Variants in ITGA4 observed in about 807,000 individuals in gnomAD.
ITGA4 encodes the protein integrin alpha-4.
Under a neutral mutation model 133.6 loss-of-function variants are expected in ITGA4, and 63 were observed. The ratio of observed to expected loss-of-function variants is 0.47; its 90% CI spans 0.38 to 0.58. The LOEUF (loss-of-function observed/expected upper bound fraction) is 0.58. ITGA4 is among the 20% of genes least tolerant of loss of function. The pLI is 0.00. For missense variants in ITGA4, 1,076 were observed against 1,252.7 expected (o/e 0.86, Z 2.13); for synonymous variants, 483 against 438.0 (o/e 1.10, Z -1.28).
intron 16 of ITGA4, 71 bp downstream of exon 16, chr2:181,509,878 TGAA>T (rs1261145115): frequency 1.8e-6 from 2 of 1,124,228 alleles, no homozygotes; most frequent in South Asian, 2.8e-5. Context: ...GGCATAATTC[TGAA>T]GAAGTGAACT....
rs1007615517 is a variant in ITGA4 at position 181,516,708 on chromosome 2, G to A, written c.1922+4933G>A. On this transcript the variant is annotated intron_variant, in intron 17 of 27. Transcript: ENST00000397033. The surrounding 1 kb of genome is among the most constrained non-coding windows in gnomAD (Gnocchi z 4.0). The stretch of plus-strand genomic sequence containing the variant: ...ACATTCTCTGGAGTTGAACCTAGAG[G>A]TCTGTCTTCTGAAATATTAAGGGAA... 6.6e-6 allele frequency among the ~76,000 whole-genome samples: 1 copy of A among 151,978 alleles called. No homozygotes were observed. Among genetic ancestry groups the A allele is most frequent in the Admixed American group, 6.6e-5 (1 of 15,218 alleles).
intron 17 of ITGA4, among the ~76,000 whole-genome samples, chr2:181,521,537 C>G (rs1686720383): frequency 6.6e-6 from 1 of 152,154 alleles, no homozygotes; most frequent in South Asian, 2.1e-4. Flanking sequence ...TGAACTCGTG[C>G]ATATATATGG....
Position 181,523,353 on chromosome 2 carries a change from C to G in ITGA4, c.2074-84C>G. The G allele has an allele frequency of 2.6e-6, 2 of 771,682 alleles. No individual in the cohort carries two copies. The highest frequency in any genetic ancestry group is 4.5e-6 in the Non-Finnish European group (2 of 442,814). The allele number at this position is 771,682 out of a possible 1,614,324, so 47.8% of individuals were successfully genotyped here. A position where few individuals can be genotyped will look rare whatever the true frequency, so the allele number is the denominator to read the frequency against. ...AAGCAAATACTTCTGGGATGATATT[C>G]TTTTCAATAACCATCCTTAAACATA... is the stretch of plus-strand genomic sequence containing the variant. On this transcript the variant is annotated intron_variant, in intron 18 of 27. Transcript: ENST00000397033. This position sits in a 1 kb window ranked among gnomAD's most constrained non-coding sequence, Gnocchi z 4.2.
rs199617716 is a variant in ITGA4 at position 181,475,302 on chromosome 2, T to C, written c.556+14T>C. On this transcript the variant is annotated intron_variant, in intron 4 of 27. Coordinates refer to ENST00000397033, the MANE Select transcript of ITGA4 (RefSeq NM_000885.6). The stretch of plus-strand genomic sequence containing the variant: ...CGTGTTATCAAGGTAAGGCATGATT[T>C]TGATACGAATTAGATAAAGATAAGT... 1.3e-6 allele frequency: 2 copies of C among 1,597,034 alleles called. No homozygotes were observed. The highest frequency in any genetic ancestry group is 1.7e-6 in the Non-Finnish European group (2 of 1,167,978).
chr2:181,469,802 A>T, intron 2 of ITGA4, among the ~76,000 whole-genome samples: 1 of 152,130 alleles, frequency 6.6e-6, no homozygotes, highest in Non-Finnish European at 1.5e-5. Flanking sequence ...ATTCTCAGTA[A>T]ACTATCACAA....
chr2:181,528,024 T>A (rs559946409), intron 22 of ITGA4, among the ~76,000 whole-genome samples: 36 of 152,314 alleles, frequency 2.4e-4, no homozygotes, highest in African/African-American at 8.4e-4. Context: ...TTAGTAAATA[T>A]AATTTCCAAA....
At position 181,538,607 on chromosome 2, in the gene ITGA4, G is replaced by A. The variant is rs1687326879; in HGVS notation, c.*3080G>A. Reference sequence around the variant, plus strand: ...CAGGTTCCTAAACCTGTTTATACCAGTTGCTATGTAAAATTGTTCCCAAGG... The same window carrying A: ...CAGGTTCCTAAACCTGTTTATACCAATTGCTATGTAAAATTGTTCCCAAGG... On this transcript the variant is annotated 3_prime_UTR_variant, in exon 28 of 28. Transcript: ENST00000397033. Among the ~76,000 whole-genome samples, 1 of 152,120 alleles carries A rather than the reference G, an allele frequency of 6.6e-6. No homozygotes were observed. Among genetic ancestry groups the A allele is most frequent in the Admixed American group, 6.6e-5 (1 of 15,262 alleles).
At position 181,529,619 on chromosome 2, in the gene ITGA4, G is replaced by C. The variant is rs751029762; in HGVS notation, c.2509G>C (p.Asp837His). 1.3e-6 allele frequency: 2 copies of C among 1,598,734 alleles called. No homozygotes were observed. Among genetic ancestry groups the C allele is most frequent in the Non-Finnish European group, 1.7e-6 (2 of 1,166,654 alleles). The change falls in exon 23 of 28, where the codon GAT becomes CAT. Residue 837 changes from aspartate (D) to histidine (H), a missense_variant. Coordinates refer to ENST00000397033, the MANE Select transcript of ITGA4 (RefSeq NM_000885.6). ...ACCAAATTCTTTTAGCCCCCAAACT[G>C]ATAAGCTGTTCAACATTTTGGATGT... ...MVPNSFSPQT[D>H]KLFNILDVQT... is the part of the protein sequence containing the mutation.
chr2:181,471,730 C>A (rs986416388), intron 2 of ITGA4, among the ~76,000 whole-genome samples: 8 of 152,154 alleles, frequency 5.3e-5, no homozygotes, highest in African/African-American at 1.9e-4. Flanking sequence ...ATATGTTTTT[C>A]TATTTGGAAT....
Position 181,537,712 on chromosome 2 carries a change from T to A in ITGA4, c.*2185T>A, listed in dbSNP as rs193186986. The A allele has an allele frequency of 9.7e-4, 377 of 389,476 alleles. 5 individuals carry two copies. In the East Asian group the frequency reaches 0.028, roughly 29 times the overall value. The allele number at this position is 389,476 out of a possible 1,614,324, so 24.1% of individuals were successfully genotyped here. A position where few individuals can be genotyped will look rare whatever the true frequency, so the allele number is the denominator to read the frequency against. ...TGATGTATTATGATGGTTGCAAAGTTTTTTTGTGTGTCCAATAAACACATT... is the reference window on the plus strand; with the variant it reads ...TGATGTATTATGATGGTTGCAAAGTATTTTTGTGTGTCCAATAAACACATT... On this transcript the variant is annotated 3_prime_UTR_variant, in exon 28 of 28. Transcript: ENST00000397033.
chr2:181,458,158 G>C (rs774621587), intron 1 of ITGA4, 38 bp from the exon 2 acceptor site: 2 of 1,613,484 alleles, frequency 1.2e-6, no homozygotes, highest in Non-Finnish European at 8.5e-7. Flanking sequence ...GGGCAGCACA[G>C]CTCACGTCTG....
intron 4 of ITGA4, among the ~76,000 whole-genome samples, chr2:181,478,314 G>A (rs781428002): frequency 1.3e-5 from 2 of 152,034 alleles, no homozygotes; most frequent in Non-Finnish European, 2.9e-5. Context: ...TTGTGCACTG[G>A]AAATTTGCCA....
intron 24 of ITGA4, among the ~76,000 whole-genome samples, chr2:181,530,953 C>A (rs1686932779): frequency 6.6e-6 from 1 of 151,862 alleles, no homozygotes; most frequent in Admixed American, 6.6e-5. Context: ...AGAGTGAAAC[C>A]CCGTCTCTAC....
chr2:181,507,762 G>GA (rs1235870199), intron 15 of ITGA4, among the ~76,000 whole-genome samples: 4 of 151,948 alleles, frequency 2.6e-5, no homozygotes, highest in Non-Finnish European at 5.9e-5. Flanking sequence ...ATAATGACAA[G>GA]AAAAAAAATC....
At chr2:181,525,697 C>T (rs547684702) in intron 21 of ITGA4, among the ~76,000 whole-genome samples, 7 of 150,938 alleles carry the variant, frequency 4.6e-5, no homozygotes, top group South Asian at 4.3e-4. Flanking sequence ...TCTGCAGACC[C>T]GTATCTACAC....
At chr2:181,534,726 T>G in intron 26 of ITGA4, 90 bp from the exon 27 acceptor site, 1 of 1,123,582 alleles carries the variant, frequency 8.9e-7, no homozygotes, top group East Asian at 2.6e-5. Flanking sequence ...CTACTGGGGA[T>G]TATGGCAGGG....
chr2:181,476,125 T>G lies in ITGA4; in HGVS notation c.556+837T>G, dbSNP rs895746343. 1.1e-5 allele frequency: 3 copies of G among 274,486 alleles called. No homozygotes were observed. The South Asian group carries it at 4.1e-4, about 37-fold the overall frequency. The allele number at this position is 274,486 out of a possible 1,614,324, so 17.0% of individuals were successfully genotyped here. On this transcript the variant is annotated intron_variant, in intron 4 of 27. Transcript: ENST00000397033. ...GAATGTGATGTCACAGAGCAGCTTA[T>G]ATTACATATATTCCTATTTTGCCTT...
chr2:181,480,936 T>A (rs1352277341), intron 6 of ITGA4, among the ~76,000 whole-genome samples: 5 of 152,176 alleles, frequency 3.3e-5, no homozygotes, highest in African/African-American at 1.2e-4. Flanking sequence ...AGAAAATAAA[T>A]GCTTTTCCTA....
At chr2:181,479,947 C>T (rs751630176) in intron 5 of ITGA4, among the ~76,000 whole-genome samples, 190 bp from the exon 6 acceptor site, 3 of 151,350 alleles carry the variant, frequency 2.0e-5, no homozygotes, top group Non-Finnish European at 2.9e-5. Flanking sequence ...TCTGAGATTT[C>T]GCTTTTAGAA....
Sources: gnomAD v4.1 joint callset for allele counts (sites outside exome capture counted in the v4.1 genomes callset) on GRCh38, gnomAD v4.1.1 for gene constraint, Gnocchi (gnomAD v3.1) non-coding constraint, MANE v1.5 for transcripts, NCBI Gene and HGNC (gene_info 2026-07-23, HGNC 2026-07-21) for gene names.